HS3ST5: variants seen among roughly 807,000 people sequenced by gnomAD.
The protein encoded by HS3ST5 is heparan sulfate-glucosamine 3-sulfotransferase 5.
A neutral mutation model predicts 25.4 loss-of-function variants in HS3ST5; 10 were observed. The observed-to-expected ratio is 0.39, with a 90% CI of 0.24 to 0.67. The LOEUF (loss-of-function observed/expected upper bound fraction) is 0.67. Ranked by LOEUF, HS3ST5 falls within the 30% of genes least tolerant of loss-of-function variation. The pLI, the probability that HS3ST5 is intolerant of heterozygous loss-of-function variation, is 0.44. For synonymous variants in HS3ST5, 170 were observed against 162.4 expected (o/e 1.05, Z -0.36); for missense variants, 324 against 420.7 (o/e 0.77, Z 2.01).
chr6:114,142,348 G>A (rs1301198725), intron 3 of HS3ST5, among the ~76,000 whole-genome samples: 2 of 152,146 alleles, frequency 1.3e-5, no homozygotes, highest in South Asian at 2.1e-4. Context: ...TGAAAGGAAC[G>A]AGTAAAATAA....
intron 1 of HS3ST5, among the ~76,000 whole-genome samples, chr6:114,288,748 TG>T (rs1265259147): frequency 6.6e-6 from 1 of 152,108 alleles, no homozygotes; most frequent in Non-Finnish European, 1.5e-5. Flanking sequence ...TGCTTGCCTT[TG>T]TTGCCATTCC....
intron 3 of HS3ST5, among the ~76,000 whole-genome samples, chr6:114,124,781 A>G (rs988190744): frequency 6.6e-6 from 1 of 152,214 alleles, no homozygotes; most frequent in Non-Finnish European, 1.5e-5. Context: ...AGATCGTATT[A>G]TTAACAATCA....
rs1772777656 is a variant in HS3ST5, at chr6:114,056,461, T to G, written c.*796A>C. ...GAGTAAAAAAAAAAAAAATTGCACA[T>G]AGAGTAATTTTAATCCATTCCATTT... On this transcript the variant is annotated 3_prime_UTR_variant, in exon 5 of 5. Transcript: ENST00000312719. 6.6e-6 allele frequency: 1 copy of G among 151,286 alleles called. No individual in the cohort carries two copies. Among genetic ancestry groups the G allele is most frequent in the Non-Finnish European group, 1.5e-5 (1 of 67,924 alleles). The allele number at this position is 151,286 out of a possible 1,614,324, so 9.4% of individuals were successfully genotyped here.
At chr6:114,162,237 C>T (rs1347006560) in intron 3 of HS3ST5, among the ~76,000 whole-genome samples, 6 of 152,036 alleles carry the variant, frequency 3.9e-5, no homozygotes, top group African/African-American at 1.4e-4. Flanking sequence ...GCATCTCAGG[C>T]CAGGAATATT....
intron 2 of HS3ST5, among the ~76,000 whole-genome samples, chr6:114,200,927 A>G (rs1032171122): frequency 3.9e-5 from 6 of 152,224 alleles, no homozygotes; most frequent in Non-Finnish European, 8.8e-5. Context: ...TATTTTGTAC[A>G]TATAAGATAT....
chr6:114,166,722 T>TA (rs1289483664), intron 3 of HS3ST5, among the ~76,000 whole-genome samples: 8 of 152,264 alleles, frequency 5.3e-5, no homozygotes, highest in Admixed American at 4.6e-4. Flanking sequence ...CACCTAGATT[T>TA]AAAATACCCT....
chr6:114,195,690 T>C (rs1183407281), intron 2 of HS3ST5, among the ~76,000 whole-genome samples: 1 of 152,062 alleles, frequency 6.6e-6, no homozygotes, highest in East Asian at 1.9e-4. Context: ...AGAAATAGAA[T>C]TTATAGGTGT....
At chr6:114,122,885 C>T (rs1776860920) in intron 3 of HS3ST5, among the ~76,000 whole-genome samples, 1 of 152,224 alleles carries the variant, frequency 6.6e-6, no homozygotes, top group Non-Finnish European at 1.5e-5. Context: ...GATACTGAAT[C>T]ATTAAGCCAG....
intron 3 of HS3ST5, among the ~76,000 whole-genome samples, chr6:114,094,352 T>C (rs1254237237): frequency 2.6e-5 from 4 of 152,202 alleles, no homozygotes; most frequent in Admixed American, 2.0e-4. Flanking sequence ...CCAGCAACAA[T>C]CCAATGTTAT....
At chr6:114,291,508 C>T (rs1433218286) in intron 1 of HS3ST5, among the ~76,000 whole-genome samples, 1 of 152,110 alleles carries the variant, frequency 6.6e-6, no homozygotes, top group Non-Finnish European at 1.5e-5. Flanking sequence ...AGTTCCATTT[C>T]CCCCATTTGA....
At chr6:114,195,251 T>C (rs1268723680) in intron 2 of HS3ST5, among the ~76,000 whole-genome samples, 1 of 152,130 alleles carries the variant, frequency 6.6e-6, no homozygotes, top group Non-Finnish European at 1.5e-5. Flanking sequence ...TCAGGCCATC[T>C]GAGAAAGGGA....
At chr6:114,137,946 A>G (rs1777711380) in intron 3 of HS3ST5, among the ~76,000 whole-genome samples, 1 of 152,162 alleles carries the variant, frequency 6.6e-6, no homozygotes, top group Non-Finnish European at 1.5e-5. Flanking sequence ...AAGTATAATA[A>G]AAAGAGCTAC....
At chr6:114,264,721 G>A (rs900752536) in intron 1 of HS3ST5, among the ~76,000 whole-genome samples, 2 of 152,150 alleles carry the variant, frequency 1.3e-5, no homozygotes, top group Non-Finnish European at 2.9e-5. Context: ...AAACCTAAGA[G>A]TCTATGGGAT....
At chr6:114,136,685 A>G (rs973254037) in intron 3 of HS3ST5, among the ~76,000 whole-genome samples, 1 of 152,206 alleles carries the variant, frequency 6.6e-6, no homozygotes, top group Non-Finnish European at 1.5e-5. Context: ...TATTTTTGGC[A>G]TAGACTCACT....
intron 1 of HS3ST5, among the ~76,000 whole-genome samples, chr6:114,269,619 G>A (rs1773551620): frequency 6.6e-6 from 1 of 152,068 alleles, no homozygotes; most frequent in African/African-American, 2.4e-5. Context: ...AATTTTCTCT[G>A]GTGATTGAAG....
intron 2 of HS3ST5, among the ~76,000 whole-genome samples, chr6:114,214,358 C>T (rs949321612): frequency 7.2e-5 from 11 of 152,180 alleles, no homozygotes; most frequent in African/African-American, 2.7e-4. Context: ...AATTCAGGAT[C>T]CCACATTGCA....
chr6:114,319,961 T>C (rs1251375710), intron 1 of HS3ST5, among the ~76,000 whole-genome samples: 1 of 152,076 alleles, frequency 6.6e-6, no homozygotes, highest in Non-Finnish European at 1.5e-5. Flanking sequence ...CATCAAGTTG[T>C]TAGTTTTTCA....
chr6:114,257,129 C>T (rs1772964655), intron 1 of HS3ST5, among the ~76,000 whole-genome samples: 2 of 152,130 alleles, frequency 1.3e-5, no homozygotes, highest in African/African-American at 4.8e-5. Context: ...CCGGGTCCCT[C>T]CCACAACATG....
chr6:114,270,396 C>T (rs1302964333), intron 1 of HS3ST5, among the ~76,000 whole-genome samples: 13 of 151,776 alleles, frequency 8.6e-5, no homozygotes, highest in Admixed American at 6.6e-4. Flanking sequence ...ATCTTTAAAC[C>T]GGGTATAAGA....
Sources: gnomAD v4.1 joint callset for allele counts (sites outside exome capture counted in the v4.1 genomes callset) on GRCh38, gnomAD v4.1.1 for gene constraint, MANE v1.5 for transcripts, NCBI Gene and HGNC (gene_info 2026-07-23, HGNC 2026-07-21) for gene names.